Variants in ATP9A observed in about 807,000 individuals in gnomAD.
ATP9A encodes the protein ATPase phospholipid transporting 9A, also known as probable phospholipid-transporting ATPase IIA.
ATP9A carries 52 observed loss-of-function variants against 144.1 expected under a neutral mutation model. That is an observed-to-expected ratio of 0.36 (90% CI 0.29 to 0.45). The LOEUF is 0.45. Ranked by LOEUF, ATP9A falls within the 20% of genes least tolerant of loss-of-function variation. The pLI is 1.00. For missense variants in ATP9A, 947 were observed against 1,392.7 expected, an observed-to-expected ratio of 0.68 and a Z score of 5.09; for synonymous variants, 582 against 557.4, an observed-to-expected ratio of 1.04 and a Z score of -0.62.
At chr20:51,652,805 T>G (rs548398888) in intron 14 of ATP9A, among the ~76,000 whole-genome samples, 1 of 151,762 alleles carries the variant, frequency 6.6e-6, no homozygotes, top group East Asian at 1.9e-4. Context: ...TAATAAAAGT[T>G]GTAAAAAAAA....
At chr20:51,719,997 C>T (rs982283877) in intron 3 of ATP9A, among the ~76,000 whole-genome samples, 5 of 152,094 alleles carry the variant, frequency 3.3e-5, no homozygotes, top group African/African-American at 1.2e-4. Context: ...TGCAGTTAGC[C>T]CAGATCATGC....
intron 27 of ATP9A, 135 bp downstream of exon 27, chr20:51,604,682 G>T: frequency 1.3e-6 from 1 of 743,348 alleles, no homozygotes; most frequent in Non-Finnish European, 2.0e-6. Context: ...AACGTGGACA[G>T]CTGAGCGGGA....
At chr20:51,729,720 G>A in intron 2 of ATP9A, 114 bp downstream of exon 2, 1 of 1,241,508 alleles carries the variant, frequency 8.1e-7, no homozygotes. Flanking sequence ...ACTCCAGCCT[G>A]GGCGACAGAG....
At chr20:51,659,483 A>G (rs2077402481) in intron 13 of ATP9A, among the ~76,000 whole-genome samples, 1 of 152,206 alleles carries the variant, frequency 6.6e-6, no homozygotes, top group South Asian at 2.1e-4. Flanking sequence ...ATTTTCAAGA[A>G]GTAACAACTA....
Position 51,605,045 on chromosome 20 carries a change from C to T in ATP9A, c.2804-25G>A, listed in dbSNP as rs201565710. 6.7e-5 allele frequency: 104 copies of T among 1,562,128 alleles called. No homozygotes were observed. The African/African-American group carries it at 1.3e-3, about 20-fold the overall frequency. On this transcript the variant is annotated intron_variant, in intron 26 of 27. Transcript: ENST00000338821. ...CCTGCAAACACCAGAGAAGGGTATT[C>T]CCCTCACCCTCCCTGCGAAAGCCGT...
intron 4 of ATP9A, 134 bp downstream of exon 4, chr20:51,712,832 C>T: frequency 2.6e-6 from 2 of 763,478 alleles, no homozygotes; most frequent in Non-Finnish European, 2.2e-6. Context: ...CTCCCTGGTG[C>T]TGGAGTAACC....
At chr20:51,726,040 G>A (rs1034679785) in intron 2 of ATP9A, 108 bp from the exon 3 acceptor site, 35 of 735,392 alleles carry the variant, frequency 4.8e-5, no homozygotes, top group African/African-American at 7.0e-5. Flanking sequence ...GCAGCCAGGC[G>A]TGGTGGTTCA....
chr20:51,686,926 C>CT (rs11086353), intron 9 of ATP9A, among the ~76,000 whole-genome samples: 81,943 of 142,630 alleles, frequency 0.57, 23,438 homozygotes, highest in Non-Finnish European at 0.61. Context: ...CAGAGGGACT[C>CT]TTTTTTTTTT....
chr20:51,669,656 G>C (rs1452165561), intron 13 of ATP9A, among the ~76,000 whole-genome samples: 11 of 152,128 alleles, frequency 7.2e-5, no homozygotes, highest in Admixed American at 7.2e-4. Context: ...TTTTCCTAAT[G>C]TCCATCAGCA....
chr20:51,751,287 C>T (rs6091364), intron 1 of ATP9A, among the ~76,000 whole-genome samples: 2,137 of 133,938 alleles, frequency 0.016, 54 homozygotes, highest in African/African-American at 0.056. Flanking sequence ...TTTGAGACAG[C>T]GTCACACTCC....
At position 51,712,855 on chromosome 20, in the gene ATP9A, C is replaced by T. The variant is rs1371029104; in HGVS notation, c.436+111G>A. On this transcript the variant is annotated intron_variant, in intron 4 of 27. Coordinates refer to ENST00000338821, the MANE Select transcript of ATP9A (RefSeq NM_006045.3). Reference sequence around the variant, plus strand: ...TGCTGGAGTAACCAAGCGACTGTTCCGCCACGTGGCATTCCCACACCTGCG... The same window carrying T: ...TGCTGGAGTAACCAAGCGACTGTTCTGCCACGTGGCATTCCCACACCTGCG... 12 of 927,100 alleles carry T rather than the reference C, an allele frequency of 1.3e-5. No individual in the cohort carries two copies. The East Asian group carries it at 1.3e-4, about 10-fold the overall frequency. 57.4% of individuals were successfully genotyped at this position (927,100 alleles called of 1,614,324 possible).
intron 1 of ATP9A, among the ~76,000 whole-genome samples, chr20:51,744,446 G>A (rs943683576): frequency 1.3e-5 from 2 of 152,170 alleles, no homozygotes; most frequent in African/African-American, 2.4e-5. Context: ...ACAAGCATGA[G>A]CCACCGCGCC....
intron 3 of ATP9A, 73 bp from the exon 4 acceptor site, chr20:51,713,147 GC>G: frequency 7.1e-7 from 1 of 1,403,500 alleles, no homozygotes; most frequent in Non-Finnish European, 9.8e-7. Context: ...CCCTCCTGGT[GC>G]CAGGGGCAGG....
At chr20:51,692,335 C>G (rs1229754811) in intron 7 of ATP9A, among the ~76,000 whole-genome samples, 3 of 152,184 alleles carry the variant, frequency 2.0e-5, no homozygotes, top group Non-Finnish European at 4.4e-5. Context: ...AGTGAAAGAT[C>G]TTGGCAAAAA....
chr20:51,727,930 CAAAA>C (rs11286785), intron 2 of ATP9A, among the ~76,000 whole-genome samples: 3 of 134,092 alleles, frequency 2.2e-5, no homozygotes, highest in Non-Finnish European at 3.2e-5. Context: ...GACTCAGTCT[CAAAA>C]AAAAAAAAAA....
chr20:51,696,620 G>T (rs558332419), intron 5 of ATP9A, among the ~76,000 whole-genome samples: 2 of 152,160 alleles, frequency 1.3e-5, no homozygotes, highest in Admixed American at 6.5e-5. Flanking sequence ...AAACTGGGGG[G>T]TGTGGGGAGC....
intron 11 of ATP9A, among the ~76,000 whole-genome samples, chr20:51,672,962 C>T (rs2077462405): frequency 6.6e-6 from 1 of 152,120 alleles, no homozygotes; most frequent in African/African-American, 2.4e-5. Flanking sequence ...AAAGTATATC[C>T]CATACTATTA....
At chr20:51,691,568 C>T (rs563909751) in intron 7 of ATP9A, among the ~76,000 whole-genome samples, 2 of 152,296 alleles carry the variant, frequency 1.3e-5, no homozygotes, top group East Asian at 1.9e-4. Flanking sequence ...GCCTCCCACC[C>T]GTAAGGATGG....
At chr20:51,761,167 T>C (rs1017109960) in intron 1 of ATP9A, among the ~76,000 whole-genome samples, 2 of 152,168 alleles carry the variant, frequency 1.3e-5, no homozygotes, top group East Asian at 1.9e-4. Flanking sequence ...CAAAGGGCCA[T>C]TGTGCAGCAT....
Sources: gnomAD v4.1 joint callset for allele counts (sites outside exome capture counted in the v4.1 genomes callset) on GRCh38, gnomAD v4.1.1 for gene constraint, MANE v1.5 for transcripts, NCBI Gene and HGNC (gene_info 2026-07-23, HGNC 2026-07-21) for gene names.